PLCB1: variants seen among roughly 807,000 people sequenced by gnomAD.
The protein encoded by PLCB1 is phospholipase C beta 1, also known as 1-phosphatidylinositol 4,5-bisphosphate phosphodiesterase beta-1.
In PLCB1, 46 loss-of-function variants were observed where a neutral mutation model predicts 161.8. That is an observed-to-expected ratio of 0.28 (90% confidence interval 0.22 to 0.36). PLCB1 has a LOEUF of 0.36. Among genes scored for constraint, PLCB1 ranks in the 10% least tolerant of loss-of-function variants. The pLI is 1.00. For missense variants in PLCB1, 1,016 were observed against 1,472.5 expected, an observed-to-expected ratio of 0.69 and a Z score of 5.07; for synonymous variants, 517 against 503.7, an observed-to-expected ratio of 1.03 and a Z score of -0.35.
intron 1 of PLCB1, among the ~76,000 whole-genome samples, chr20:8,140,314 A>G (rs567170090): frequency 1.3e-5 from 2 of 152,284 alleles, no homozygotes; most frequent in South Asian, 4.1e-4. Context: ...TTATCTTCAA[A>G]ATTCAAGAGA....
chr20:8,251,665 C>G (rs1014330575), intron 2 of PLCB1, among the ~76,000 whole-genome samples: 39 of 151,908 alleles, frequency 2.6e-4, no homozygotes, highest in Non-Finnish European at 4.7e-4. Context: ...ATTAGAAGGG[C>G]ATGTGCCCCT....
chr20:8,209,285 C>G (rs988973698), intron 2 of PLCB1, among the ~76,000 whole-genome samples: 2 of 151,762 alleles, frequency 1.3e-5, no homozygotes, highest in Non-Finnish European at 2.9e-5. Context: ...AAAAACTGAA[C>G]AGTTTACAAG....
intron 3 of PLCB1, among the ~76,000 whole-genome samples, chr20:8,574,845 T>C (rs1474642798): frequency 6.6e-6 from 1 of 152,220 alleles, no homozygotes; most frequent in East Asian, 1.9e-4. Flanking sequence ...AAGCAGGCTC[T>C]GGCCATGGAA....
At chr20:8,612,039 T>C (rs566393193) in intron 3 of PLCB1, among the ~76,000 whole-genome samples, 132 of 152,268 alleles carry the variant, frequency 8.7e-4, no homozygotes, top group African/African-American at 3.1e-3. Flanking sequence ...GTAACTTCCT[T>C]AAAAACAGTT....
intron 3 of PLCB1, among the ~76,000 whole-genome samples, chr20:8,463,451 A>T (rs1046679577): frequency 6.6e-6 from 1 of 152,176 alleles, no homozygotes; most frequent in African/African-American, 2.4e-5. Flanking sequence ...GTTTAATTTT[A>T]CATGTTTTGG....
intron 2 of PLCB1, among the ~76,000 whole-genome samples, chr20:8,254,777 A>C (rs1981326507): frequency 6.6e-6 from 1 of 152,038 alleles, no homozygotes; most frequent in Non-Finnish European, 1.5e-5. Context: ...AACTAACTAG[A>C]TTACCAGGAC....
At chr20:8,651,944 C>T (rs1989333877) in intron 7 of PLCB1, 1 of 156,206 alleles carries the variant, frequency 6.4e-6, no homozygotes, top group African/African-American at 2.4e-5. Flanking sequence ...AATTTTTTTC[C>T]TTTTGCAATC....
At chr20:8,875,569 T>TA (rs1436338096) in intron 31 of PLCB1, among the ~76,000 whole-genome samples, 2 of 149,482 alleles carry the variant, frequency 1.3e-5, no homozygotes, top group Non-Finnish European at 3.0e-5. Flanking sequence ...CCTTATATTT[T>TA]ATATTAAGAT....
intron 2 of PLCB1, among the ~76,000 whole-genome samples, chr20:8,356,556 C>T (rs1215948533): frequency 6.6e-6 from 1 of 151,788 alleles, no homozygotes; most frequent in Admixed American, 6.6e-5. Context: ...TTGATGTGTC[C>T]CAGCTTTTAT....
At chr20:8,873,693 A>G (rs1461849922) in intron 31 of PLCB1, among the ~76,000 whole-genome samples, 2 of 152,116 alleles carry the variant, frequency 1.3e-5, no homozygotes, top group South Asian at 2.1e-4. Flanking sequence ...GTATACAACT[A>G]TAGGTACATT....
At chr20:8,372,719 A>G (rs976142243) in intron 3 of PLCB1, among the ~76,000 whole-genome samples, 2 of 152,184 alleles carry the variant, frequency 1.3e-5, no homozygotes, top group African/African-American at 2.4e-5. Flanking sequence ...TATAGGAAAG[A>G]ATATTTTTTC....
At chr20:8,834,875 T>C (rs531962771) in intron 31 of PLCB1, among the ~76,000 whole-genome samples, 12 of 150,156 alleles carry the variant, frequency 8.0e-5, no homozygotes, top group Admixed American at 3.3e-4. Flanking sequence ...ACCAATGTCT[T>C]AGTTCAGAGG....
At chr20:8,583,511 T>G (rs75888131) in intron 3 of PLCB1, among the ~76,000 whole-genome samples, 1 of 152,308 alleles carries the variant, frequency 6.6e-6, no homozygotes, top group East Asian at 1.9e-4. Flanking sequence ...CCAGGAGAAT[T>G]TCTATGGAAT....
intron 31 of PLCB1, among the ~76,000 whole-genome samples, chr20:8,815,691 A>G (rs1051221851): frequency 6.6e-6 from 1 of 152,192 alleles, no homozygotes; most frequent in Non-Finnish European, 1.5e-5. Context: ...TCTCCCAACC[A>G]TAATGCATCT....
At position 8,657,279 on chromosome 20, in the gene PLCB1, A is replaced by G. The variant is rs145276029; in HGVS notation, c.690A>G (p.Ser230=). The change falls in exon 8 of 32, where the codon TCA becomes TCG. Residue 230 remains serine (S), a synonymous_variant. Coordinates refer to ENST00000338037, the MANE Select transcript of PLCB1 (RefSeq NM_015192.4). ...CPRPEIDNIF[S]EFGAKSKPYL... ...GACCTGAAATTGATAACATCTTTTC[A>G]GAATTGTAAGAGTACACATTTTAAG... 2 of 1,566,580 alleles carry G rather than the reference A, an allele frequency of 1.3e-6. No homozygotes were observed. Among genetic ancestry groups the G allele is most frequent in the Non-Finnish European group, 1.8e-6 (2 of 1,136,952 alleles).
intron 31 of PLCB1, among the ~76,000 whole-genome samples, chr20:8,815,401 C>G (rs1985039230): frequency 6.6e-6 from 1 of 152,172 alleles, no homozygotes; most frequent in Non-Finnish European, 1.5e-5. Context: ...ATTACTCACA[C>G]AAAAGTGCGT....
chr20:8,524,719 G>A (rs1024934475), intron 3 of PLCB1, among the ~76,000 whole-genome samples: 16 of 152,148 alleles, frequency 1.1e-4, no homozygotes, highest in Non-Finnish European at 1.5e-4. Flanking sequence ...ACTTTTCATT[G>A]ACACTCTTTG....
intron 2 of PLCB1, among the ~76,000 whole-genome samples, chr20:8,342,808 T>C (rs1985859432): frequency 6.6e-6 from 1 of 152,146 alleles, no homozygotes; most frequent in African/African-American, 2.4e-5. Context: ...TGACTTTACA[T>C]ATAAAACCTC....
At chr20:8,648,054 T>A in intron 6 of PLCB1, 101 bp downstream of exon 6, 2 of 792,054 alleles carry the variant, frequency 2.5e-6, no homozygotes, top group Admixed American at 5.1e-5. Flanking sequence ...TAAGTGGGAG[T>A]GTGGAAATGC....
Sources: allele counts gnomAD v4.1 joint callset (sites outside exome capture counted in the v4.1 genomes callset), GRCh38; gene constraint gnomAD v4.1.1; transcripts MANE v1.5; gene names NCBI Gene and HGNC (gene_info 2026-07-23, HGNC 2026-07-21).